ADAMTSL1: variants seen among roughly 807,000 people sequenced by gnomAD.
ADAMTSL1 encodes the protein ADAMTS like 1.
Under a neutral mutation model 201.8 loss-of-function variants are expected in ADAMTSL1, and 126 were observed. The ratio of observed to expected loss-of-function variants is 0.62; its 90% CI spans 0.54 to 0.72. The LOEUF (loss-of-function observed/expected upper bound fraction) is 0.72, where lower values mean the gene tolerates loss of function less well. Ranked by LOEUF, ADAMTSL1 falls within the 30% of genes least tolerant of loss-of-function variation. ADAMTSL1 has a pLI of 0.00. For synonymous variants in ADAMTSL1, 1,121 were observed against 903.4 expected (o/e 1.24, Z -4.32); for missense variants, 2,679 against 2,277.8 (o/e 1.18, Z -3.59).
At chr9:18,235,372 A>G (rs1016877222) in intron 2 of ADAMTSL1, among the ~76,000 whole-genome samples, 1 of 152,196 alleles carries the variant, frequency 6.6e-6, no homozygotes, top group Non-Finnish European at 1.5e-5. Flanking sequence ...TGCTATCAAT[A>G]CGACTCATCA....
intron 1 of ADAMTSL1, among the ~76,000 whole-genome samples, chr9:17,950,694 C>A (rs2131372388): frequency 6.6e-6 from 1 of 152,050 alleles, no homozygotes; most frequent in East Asian, 1.9e-4. Context: ...TTATGCATTT[C>A]TCTACTGATA....
intron 1 of ADAMTSL1, among the ~76,000 whole-genome samples, chr9:18,002,150 A>G (rs574240890): frequency 2.0e-5 from 3 of 152,024 alleles, no homozygotes; most frequent in Non-Finnish European, 4.4e-5. Context: ...CTGAAGGGTA[A>G]AAGATGACTT....
chr9:18,256,752 C>T (rs1351191505), intron 2 of ADAMTSL1, among the ~76,000 whole-genome samples: 2 of 152,184 alleles, frequency 1.3e-5, no homozygotes, highest in Admixed American at 1.3e-4. Context: ...AGCGGTGTTG[C>T]CCAGCAACCA....
chr9:18,365,255 T>C (rs1182810563), intron 2 of ADAMTSL1, among the ~76,000 whole-genome samples: 2 of 152,204 alleles, frequency 1.3e-5, no homozygotes, highest in Non-Finnish European at 2.9e-5. Context: ...GAATTATAGA[T>C]GTACTTATCG....
chr9:18,771,090 C>T (rs952043526), intron 17 of ADAMTSL1, among the ~76,000 whole-genome samples: 2 of 152,114 alleles, frequency 1.3e-5, no homozygotes, highest in African/African-American at 2.4e-5. Flanking sequence ...CTGGGTTCTT[C>T]TCCTTCTATC....
intron 5 of ADAMTSL1, among the ~76,000 whole-genome samples, chr9:18,623,709 G>C (rs1826178613): frequency 6.6e-6 from 1 of 152,162 alleles, no homozygotes; most frequent in Admixed American, 6.5e-5. Flanking sequence ...ATAGAAATAA[G>C]ACAGCCCTTG....
chr9:18,570,214 C>A (rs555373894), intron 3 of ADAMTSL1, among the ~76,000 whole-genome samples: 1 of 148,012 alleles, frequency 6.8e-6, no homozygotes, highest in Non-Finnish European at 1.5e-5. Flanking sequence ...AGACCCCATT[C>A]GCCACAAAAG....
intron 15 of ADAMTSL1, among the ~76,000 whole-genome samples, chr9:18,724,806 C>T (rs1817764737): frequency 6.6e-6 from 1 of 152,196 alleles, no homozygotes; most frequent in African/African-American, 2.4e-5. Flanking sequence ...TCCTCTGCAT[C>T]CTCCTTATCC....
chr9:18,522,512 A>G (rs1449718657), intron 2 of ADAMTSL1, among the ~76,000 whole-genome samples: 2 of 151,950 alleles, frequency 1.3e-5, no homozygotes, highest in African/African-American at 2.4e-5. Context: ...ACATATGTAT[A>G]TATGTGCCAT....
chr9:17,956,196 T>C (rs2131385783), intron 1 of ADAMTSL1, among the ~76,000 whole-genome samples: 1 of 152,280 alleles, frequency 6.6e-6, no homozygotes, highest in South Asian at 2.1e-4. Flanking sequence ...TTGAAGTGGC[T>C]GTAAGACCTT....
chr9:18,467,819 G>A (rs1821063583), intron 2 of ADAMTSL1, among the ~76,000 whole-genome samples: 1 of 152,156 alleles, frequency 6.6e-6, no homozygotes, highest in South Asian at 2.1e-4. Flanking sequence ...AGCAGATCAG[G>A]GAGGTCCTTG....
intron 3 of ADAMTSL1, among the ~76,000 whole-genome samples, chr9:18,544,374 C>G (rs1212960102): frequency 6.6e-6 from 1 of 152,006 alleles, no homozygotes; most frequent in African/African-American, 2.4e-5. Context: ...GTTCATAACT[C>G]AAGGTGATAT....
intron 19 of ADAMTSL1, among the ~76,000 whole-genome samples, chr9:18,787,259 G>A (rs758254317): frequency 3.9e-5 from 6 of 152,234 alleles, no homozygotes; most frequent in Non-Finnish European, 7.4e-5. Context: ...AAAAAGAACC[G>A]TCCCAGTAAA....
chr9:18,644,543 C>A (rs1390377519), intron 7 of ADAMTSL1, among the ~76,000 whole-genome samples: 1 of 151,832 alleles, frequency 6.6e-6, no homozygotes, highest in Admixed American at 6.6e-5. Flanking sequence ...CCCCCTACCC[C>A]CACCCCACAA....
At chr9:18,450,082 A>G (rs888305261) in intron 2 of ADAMTSL1, among the ~76,000 whole-genome samples, 2 of 152,226 alleles carry the variant, frequency 1.3e-5, no homozygotes, top group Admixed American at 6.5e-5. Flanking sequence ...GAATGTTTGT[A>G]ATAGATTTAT....
At chr9:18,697,538 C>G (rs1373493278) in intron 13 of ADAMTSL1, among the ~76,000 whole-genome samples, 1 of 152,160 alleles carries the variant, frequency 6.6e-6, no homozygotes, top group African/African-American at 2.4e-5. Context: ...TCCAACAGTA[C>G]CCATCTCCCA....
At chr9:18,377,709 G>T (rs1489923048) in intron 2 of ADAMTSL1, among the ~76,000 whole-genome samples, 13 of 152,106 alleles carry the variant, frequency 8.5e-5, no homozygotes. Context: ...TGGGAATACA[G>T]TCGCGTGCCA....
chr9:17,947,074 C>T (rs995023371), intron 1 of ADAMTSL1, among the ~76,000 whole-genome samples: 1 of 151,818 alleles, frequency 6.6e-6, no homozygotes, highest in Non-Finnish European at 1.5e-5. Flanking sequence ...AGCATATCAG[C>T]TTTGCCACCA....
intron 2 of ADAMTSL1, among the ~76,000 whole-genome samples, chr9:18,521,286 T>TAAAG (rs1308428774): frequency 6.6e-6 from 1 of 152,058 alleles, no homozygotes; most frequent in African/African-American, 2.4e-5. Flanking sequence ...CAAAGTACAT[T>TAAAG]TTTAAAGTAC....
Sources: gnomAD v4.1 joint callset for allele counts (sites outside exome capture counted in the v4.1 genomes callset) on GRCh38, gnomAD v4.1.1 for gene constraint, MANE v1.5 for transcripts, NCBI Gene and HGNC (gene_info 2026-07-23, HGNC 2026-07-21) for gene names.